Variants in CAPN3 observed in about 807,000 individuals in gnomAD.
CAPN3 encodes the protein calpain-3.
Under a neutral mutation model 114.0 loss-of-function variants are expected in CAPN3, and 88 were observed. The ratio of observed to expected loss-of-function variants is 0.77; its 90% CI spans 0.65 to 0.92. The LOEUF is 0.92. CAPN3 is among the 40% of genes least tolerant of loss of function. The pLI is 0.00. For missense variants in CAPN3, 1,028 were observed against 1,069.0 expected (o/e 0.96, Z 0.53); for synonymous variants, 386 against 382.9 (o/e 1.01, Z -0.09).
intron 1 of CAPN3, among the ~76,000 whole-genome samples, chr15:42,375,291 T>C (rs2053060032): frequency 6.6e-6 from 1 of 152,066 alleles, no homozygotes; most frequent in Non-Finnish European, 1.5e-5. Context: ...CCTGCCTTCT[T>C]AATCTTTCAC....
At chr15:42,402,196 T>C in intron 12 of CAPN3, 61 bp downstream of exon 12, 3 of 1,612,134 alleles carry the variant, frequency 1.9e-6, no homozygotes, top group Non-Finnish European at 2.5e-6. Flanking sequence ...CCCGAGTCTG[T>C]CTGTGGCTCG....
rs573658199 is a variant in CAPN3, at chr15:42,383,317, G to A, written c.310-1166G>A. Among the ~76,000 whole-genome samples the A allele has an allele frequency of 6.6e-5, 10 of 152,252 alleles. No homozygotes were observed. The East Asian group carries it at 1.4e-3, about 21-fold the overall frequency. On this transcript the variant is annotated intron_variant, in intron 1 of 23. Coordinates refer to ENST00000397163, the MANE Select transcript of CAPN3 (RefSeq NM_000070.3). ...TAAAACCAGATCACTAGCCTGGCGC[G>A]GTGGCTCACGCCTGTAATCCCAGCA...
intron 6 of CAPN3, among the ~76,000 whole-genome samples, chr15:42,391,898 T>C (rs1369312801): frequency 6.6e-6 from 1 of 152,188 alleles, no homozygotes; most frequent in African/African-American, 2.4e-5. Context: ...GCGCAGTGGC[T>C]CATGCCTGTA....
chr15:42,394,227 A>T, intron 7 of CAPN3, 29 bp from the exon 8 acceptor site: 1 of 1,545,478 alleles, frequency 6.5e-7, no homozygotes, highest in Non-Finnish European at 8.8e-7. Flanking sequence ...GAGGCTGCAG[A>T]GCATGAGAGC....
At position 42,394,249 on chromosome 15, in the gene CAPN3, G is replaced by GC. The variant is rs1595828535; in HGVS notation, c.1030-6dup. 3.9e-6 allele frequency: 6 copies of GC among 1,554,610 alleles called. No individual in the cohort carries two copies. Among genetic ancestry groups the GC allele is most frequent in the Non-Finnish European group, 4.4e-6 (5 of 1,148,408 alleles). ...CAGAGCATGAGAGCTCTTTCTGTGT[G>GC]CTTAAGGTCCCGTTCAAAGGTGAGA... On this transcript the variant is annotated splice_region_variant and splice_polypyrimidine_tract_variant and intron_variant, in intron 7 of 23. Coordinates refer to ENST00000397163, the MANE Select transcript of CAPN3 (RefSeq NM_000070.3).
In CAPN3 at chr15:42,410,454, G is replaced by C; in HGVS notation, c.2142G>C (p.Leu714=). The C allele has an allele frequency of 1.2e-6, 2 of 1,614,166 alleles. No homozygotes were observed. The highest frequency in any genetic ancestry group is 1.7e-6 in the Non-Finnish European group (2 of 1,180,036). Residue 714 remains leucine (L), a synonymous_variant, in exon 20 of 24, where the codon CTG becomes CTC. Coordinates refer to ENST00000397163, the MANE Select transcript of CAPN3 (RefSeq NM_000070.3). ...MDTDGSGKLN[L]QEFHHLWNKI... is the part of the protein sequence containing the mutation. ...CAGATGGCTCTGGAAAGCTCAACCTGCAGGAGTTCCACCACCTCTGGAACA... is the reference window on the plus strand; with the variant it reads ...CAGATGGCTCTGGAAAGCTCAACCTCCAGGAGTTCCACCACCTCTGGAACA...
chr15:42,370,593 G>A (rs1441883341), intron 1 of CAPN3, among the ~76,000 whole-genome samples: 1 of 152,156 alleles, frequency 6.6e-6, no homozygotes, highest in African/African-American at 2.4e-5. Context: ...CACTGTCCTA[G>A]CCACAGAGAG....
At position 42,412,272 on chromosome 15, in the gene CAPN3, A is replaced by G. The variant is rs1415831242; in HGVS notation, c.*499A>G. ...CTGTCCAACTCATAAGTTTGGCTGC[A>G]TTTTGAAAAAAGCTGATCTAAATAA... On this transcript the variant is annotated 3_prime_UTR_variant, in exon 24 of 24. Transcript: ENST00000397163. 23 of 1,301,468 alleles carry G rather than the reference A, an allele frequency of 1.8e-5. No individual in the cohort carries two copies. Among genetic ancestry groups the G allele is most frequent in the Non-Finnish European group, 2.3e-5 (22 of 945,286 alleles). 80.6% of individuals were successfully genotyped at this position (1,301,468 alleles called of 1,614,324 possible). A position where few individuals can be genotyped will look rare whatever the true frequency, so the allele number is the denominator to read the frequency against.
chr15:42,387,674 CCCTG>C, intron 3 of CAPN3, 75 bp from the exon 4 acceptor site: 1 of 1,551,752 alleles, frequency 6.4e-7, no homozygotes, highest in Non-Finnish European at 8.9e-7. Context: ...TTCAAGAACC[CCCTG>C]AGGAATGTGG....
Position 42,412,143 on chromosome 15 carries a change from C to CATCA in CAPN3, c.*371_*374dup. On this transcript the variant is annotated 3_prime_UTR_variant, in exon 24 of 24. Coordinates refer to ENST00000397163, the MANE Select transcript of CAPN3 (RefSeq NM_000070.3). Reference sequence around the variant, plus strand: ...AGCACCTCCTTGTGCTAGAGCCCTCCATCACCTTCACGCTGTCCCACCATG... The same window carrying CATCA: ...AGCACCTCCTTGTGCTAGAGCCCTCCATCAATCACCTTCACGCTGTCCCACCATG... The CATCA allele has an allele frequency of 6.5e-7, 1 of 1,536,112 alleles. No homozygotes were observed. Among genetic ancestry groups the CATCA allele is most frequent in the Non-Finnish European group, 8.7e-7 (1 of 1,146,900 alleles).
Position 42,412,011 on chromosome 15 carries a change from T to C in CAPN3, c.*238T>C, listed in dbSNP as rs557841106. 2.1e-4 allele frequency: 312 copies of C among 1,508,866 alleles called. 3 individuals are homozygous for C. In the East Asian group the frequency reaches 7.4e-3, roughly 36 times the overall value. The allele number at this position is 1,508,866 out of a possible 1,614,324, so 93.5% of individuals were successfully genotyped here. On this transcript the variant is annotated 3_prime_UTR_variant, in exon 24 of 24. Coordinates refer to ENST00000397163, the MANE Select transcript of CAPN3 (RefSeq NM_000070.3). ...AGAACAAACCCTTGTCCCTTTGCCA[T>C]GTGGAGGAAAGTGCCTGCCTCTGGT... is the stretch of plus-strand genomic sequence containing the variant.
rs1047088255 is a variant in CAPN3, at chr15:42,399,422, CTGGGGTCTTCCGTT to C, written c.1194-69_1194-56del. 3.1e-5 allele frequency: 37 copies of C among 1,181,834 alleles called. No individual in the cohort carries two copies. The African/African-American group carries it at 4.7e-4, about 15-fold the overall frequency. 73.2% of individuals were successfully genotyped at this position (1,181,834 alleles called of 1,614,324 possible). A position where few individuals can be genotyped will look rare whatever the true frequency, so the allele number is the denominator to read the frequency against. ...ATTTTATTATTGTGCTGTGTTAGTC[CTGGGGTCTTCCGTT>C]CCCAGCCCTCCTCACCTGCTCCCAT... On this transcript the variant is annotated intron_variant, in intron 9 of 23. Transcript: ENST00000397163.
rs1263587980 is a variant in CAPN3, at chr15:42,412,134, A to G, written c.*361A>G. The G allele has an allele frequency of 6.5e-7, 1 of 1,536,042 alleles. No individual in the cohort carries two copies. Among genetic ancestry groups the G allele is most frequent in the East Asian group, 2.4e-5 (1 of 40,916 alleles). ...GTGGCACTCAGCACCTCCTTGTGCT[A>G]GAGCCCTCCATCACCTTCACGCTGT... On this transcript the variant is annotated 3_prime_UTR_variant, in exon 24 of 24. Coordinates refer to ENST00000397163, the MANE Select transcript of CAPN3 (RefSeq NM_000070.3).
intron 1 of CAPN3, 144 bp from the exon 2 acceptor site, chr15:42,384,339 G>A: frequency 1.5e-6 from 1 of 685,920 alleles, no homozygotes; most frequent in East Asian, 2.7e-5. Flanking sequence ...TTGAACCCCG[G>A]AGGCAGAGGT....
intron 9 of CAPN3, among the ~76,000 whole-genome samples, chr15:42,398,362 A>G (rs1404756957): frequency 1.3e-5 from 2 of 152,080 alleles, no homozygotes; most frequent in East Asian, 1.9e-4. Context: ...AGGCGGGCAG[A>G]TCACTTGAGG....
At chr15:42,407,699 A>T (rs751622260) in intron 15 of CAPN3, among the ~76,000 whole-genome samples, 3 of 152,202 alleles carry the variant, frequency 2.0e-5, no homozygotes, top group Non-Finnish European at 4.4e-5. Context: ...TCACCCACTG[A>T]CCATGCCACT....
At chr15:42,402,322 C>T in intron 12 of CAPN3, 187 bp downstream of exon 12, 1 of 1,520,246 alleles carries the variant, frequency 6.6e-7, no homozygotes, top group Non-Finnish European at 8.8e-7. Flanking sequence ...ATGACTACCA[C>T]CCCCAGGATG....
chr15:42,374,913 A>T (rs1430843776), intron 1 of CAPN3, among the ~76,000 whole-genome samples: 2 of 144,670 alleles, frequency 1.4e-5, no homozygotes, highest in Admixed American at 7.3e-5. Context: ...CAGTGATCCC[A>T]CTTCACACCT....
rs747026964 is a variant in CAPN3 at position 42,384,511 on chromosome 15, T to C, written c.338T>C (p.Ile113Thr). The C allele has an allele frequency of 2.6e-4, 423 of 1,613,914 alleles. 1 individual carries two copies. The highest frequency in any genetic ancestry group is 3.3e-4 in the Non-Finnish European group (384 of 1,179,920). Residue 113 changes from isoleucine (I) to threonine (T), a missense_variant, in exon 2 of 24, where the codon ATT becomes ACT. Physicochemically the swap from Ile to Thr is moderately conservative, Grantham distance 89. Coordinates refer to ENST00000397163, the MANE Select transcript of CAPN3 (RefSeq NM_000070.3). ...PEICENPRFI[I>T]DGANRTDICQ... ...ATTTGCGAGAATCCCCGATTTATCA[T>C]TGATGGAGCCAACAGAACTGACATC...
Sources: gnomAD v4.1 joint callset for allele counts (sites outside exome capture counted in the v4.1 genomes callset) on GRCh38, gnomAD v4.1.1 for gene constraint, MANE v1.5 for transcripts, NCBI Gene and HGNC (gene_info 2026-07-23, HGNC 2026-07-21) for gene names.